The following CDH6 variants were observed in gnomAD, a reference collection of about 807,000 sequenced individuals.
The protein encoded by CDH6 is cadherin 6.
In CDH6, 31 loss-of-function variants were observed where a neutral mutation model predicts 78.0. That is an observed-to-expected ratio of 0.40 (90% CI 0.30 to 0.54). The LOEUF (loss-of-function observed/expected upper bound fraction) is 0.54, where lower values mean the gene tolerates loss of function less well. CDH6 is among the 20% of genes least tolerant of loss of function. CDH6 has a pLI of 0.56. For missense variants in CDH6, 724 were observed against 975.9 expected, an observed-to-expected ratio of 0.74 and a Z score of 3.44; for synonymous variants, 376 against 368.8, an observed-to-expected ratio of 1.02 and a Z score of -0.23.
intron 2 of CDH6, among the ~76,000 whole-genome samples, chr5:31,281,469 T>C (rs1742861985): frequency 6.6e-6 from 1 of 152,124 alleles, no homozygotes; most frequent in Non-Finnish European, 1.5e-5. Flanking sequence ...AATTTTTGAC[T>C]GGGATCTGGC....
At chr5:31,227,633 G>T (rs1406597035) in intron 1 of CDH6, among the ~76,000 whole-genome samples, 2 of 152,016 alleles carry the variant, frequency 1.3e-5, no homozygotes, top group African/African-American at 4.8e-5. Context: ...CTTCTGCCAA[G>T]GTTCCTCCAG....
chr5:31,266,178 A>G (rs966387471), intron 1 of CDH6, among the ~76,000 whole-genome samples: 4 of 152,014 alleles, frequency 2.6e-5, no homozygotes, highest in Non-Finnish European at 5.9e-5. Context: ...ATAGGCATAT[A>G]TGGCTTTAAT....
intron 1 of CDH6, among the ~76,000 whole-genome samples, chr5:31,248,397 T>C (rs762821592): frequency 3.3e-5 from 5 of 152,216 alleles, no homozygotes; most frequent in African/African-American, 4.8e-5. Context: ...ATCCAACTTA[T>C]CAGGCGTCTT....
chr5:31,226,155 A>G (rs1305287098), intron 1 of CDH6, among the ~76,000 whole-genome samples: 1 of 152,136 alleles, frequency 6.6e-6, no homozygotes, highest in Non-Finnish European at 1.5e-5. Context: ...TATACTTTGA[A>G]CAGTATACAC....
At chr5:31,201,763 A>G (rs1740355721) in intron 1 of CDH6, among the ~76,000 whole-genome samples, 1 of 152,202 alleles carries the variant, frequency 6.6e-6, no homozygotes, top group Admixed American at 6.5e-5. Flanking sequence ...TCTTATCTGG[A>G]TGAACAAAAA....
At chr5:31,308,253 T>C (rs1472234454) in intron 7 of CDH6, among the ~76,000 whole-genome samples, 1 of 152,122 alleles carries the variant, frequency 6.6e-6, no homozygotes, top group Non-Finnish European at 1.5e-5. Context: ...TTTCTTCTAA[T>C]AACTTCATCT....
chr5:31,196,174 T>C (rs1240488202), intron 1 of CDH6, among the ~76,000 whole-genome samples: 1 of 152,176 alleles, frequency 6.6e-6, no homozygotes, highest in Non-Finnish European at 1.5e-5. Context: ...TTCCATCAGC[T>C]TTGCAAGGAA....
At chr5:31,312,025 T>G (rs1579909263) in intron 7 of CDH6, among the ~76,000 whole-genome samples, 1 of 152,226 alleles carries the variant, frequency 6.6e-6, no homozygotes, top group African/African-American at 2.4e-5. Context: ...TCAAATTTAT[T>G]CAAACTCTCC....
intron 6 of CDH6, among the ~76,000 whole-genome samples, chr5:31,304,572 C>A (rs1221958290): frequency 2.0e-5 from 3 of 150,800 alleles, no homozygotes; most frequent in African/African-American, 7.3e-5. Flanking sequence ...GTAGTCCCAG[C>A]TACTCGGGAG....
chr5:31,199,685 GTA>G lies in CDH6; in HGVS notation c.-129+5829_-129+5830del, dbSNP rs1554035032. ...TGTGTGTGTATGTGTGTGTGTGTGT[GTA>G]TATATATATATATATATATATATAT... On this transcript the variant is annotated intron_variant, in intron 1 of 11. Coordinates refer to ENST00000265071, the MANE Select transcript of CDH6 (RefSeq NM_004932.4). 9.9e-3 allele frequency among the ~76,000 whole-genome samples: 789 copies of G among 79,824 alleles called. 11 individuals carry two copies. The highest frequency in any genetic ancestry group is 0.036 in the African/African-American group (755 of 21,104). The allele number at this position is 79,824 out of a possible 152,430, so 52.4% of individuals were successfully genotyped here.
chr5:31,290,743 G>A (rs1743133827), intron 2 of CDH6, among the ~76,000 whole-genome samples: 1 of 152,124 alleles, frequency 6.6e-6, no homozygotes, highest in African/African-American at 2.4e-5. Flanking sequence ...AGAGGCTTTG[G>A]GAGGTTTCTG....
In CDH6 at chr5:31,258,783, T is replaced by C. The variant is rs113960668; in HGVS notation, c.-128-8563T>C. Among the ~76,000 whole-genome samples the C allele has an allele frequency of 3.0e-3, 458 of 152,312 alleles. 3 individuals carry two copies. The highest frequency in any genetic ancestry group is 9.9e-3 in the African/African-American group (412 of 41,578). ...GTTTTGTAACAACTCTTTTTACCTC[T>C]TGGAGACCTCCGTTGGTGTTATTTT... On this transcript the variant is annotated intron_variant, in intron 1 of 11. Coordinates refer to ENST00000265071, the MANE Select transcript of CDH6 (RefSeq NM_004932.4).
intron 1 of CDH6, among the ~76,000 whole-genome samples, chr5:31,203,305 G>C (rs1740418400): frequency 1.4e-5 from 2 of 140,154 alleles, no homozygotes; most frequent in South Asian, 2.3e-4. Flanking sequence ...GTGCAGGTTA[G>C]TTACATATGT....
chr5:31,239,013 CATCCT>C lies in CDH6; in HGVS notation c.-128-28332_-128-28328del, dbSNP rs1472928113. On this transcript the variant is annotated intron_variant, in intron 1 of 11. Coordinates refer to ENST00000265071, the MANE Select transcript of CDH6 (RefSeq NM_004932.4). ...AATGGCTAGAACAACCATGCCAGTT[CATCCT>C]TCATAAAATAATGGGGAATGATATT... Among the ~76,000 whole-genome samples, 3 of 152,330 alleles carry C rather than the reference CATCCT, an allele frequency of 2.0e-5. No homozygotes were observed. The East Asian group carries it at 5.8e-4, about 29-fold the overall frequency.
intron 1 of CDH6, among the ~76,000 whole-genome samples, chr5:31,235,439 T>C (rs1407809212): frequency 6.6e-6 from 1 of 152,284 alleles, no homozygotes; most frequent in East Asian, 1.9e-4. Context: ...TCCTCCATTC[T>C]AATACATTTA....
intron 11 of CDH6, among the ~76,000 whole-genome samples, chr5:31,321,992 A>G (rs1738487740): frequency 6.6e-6 from 1 of 152,266 alleles, no homozygotes; most frequent in African/African-American, 2.4e-5. Flanking sequence ...GGAGCTATTT[A>G]AACGCAATTC....
At chr5:31,269,276 A>C (rs1742453260) in intron 2 of CDH6, among the ~76,000 whole-genome samples, 1 of 115,184 alleles carries the variant, frequency 8.7e-6, no homozygotes, top group Non-Finnish European at 1.9e-5. Context: ...AAAAAAAAAA[A>C]AAAAAGCGGG....
At chr5:31,251,982 A>C (rs1016409016) in intron 1 of CDH6, 1 of 152,330 alleles carries the variant, frequency 6.6e-6, no homozygotes, top group East Asian at 1.9e-4. Context: ...CTGAAGCTGT[A>C]TTTTCTAGAC....
At chr5:31,302,354 C>T in intron 6 of CDH6, 56 bp downstream of exon 6, 1 of 1,276,486 alleles carries the variant, frequency 7.8e-7, no homozygotes, top group Admixed American at 2.0e-5. Context: ...TTCTCCAGTT[C>T]CTAAGTTACC....
Sources: gnomAD v4.1 joint callset for allele counts (sites outside exome capture counted in the v4.1 genomes callset) on GRCh38, gnomAD v4.1.1 for gene constraint, MANE v1.5 for transcripts, NCBI Gene and HGNC (gene_info 2026-07-23, HGNC 2026-07-21) for gene names.